TRAPPC9: variants seen among roughly 807,000 people sequenced by gnomAD.
TRAPPC9 encodes the protein IKK2 binding protein.
TRAPPC9 carries 83 observed loss-of-function variants against 124.0 expected under a neutral mutation model. The observed-to-expected ratio is 0.67, with a 90% CI of 0.56 to 0.80. The LOEUF (loss-of-function observed/expected upper bound fraction) is 0.80, where lower values mean the gene tolerates loss of function less well. Among genes scored for constraint, TRAPPC9 ranks in the 30% least tolerant of loss-of-function variants. The probability of loss-of-function intolerance (pLI) is 0.00; values close to 1 mark genes in which losing one functional copy is unlikely to be tolerated. For missense variants in TRAPPC9, 1,302 were observed against 1,508.3 expected (o/e 0.86, Z 2.27); for synonymous variants, 638 against 617.5 (o/e 1.03, Z -0.49).
chr8:140,306,152 G>C (rs1324076469), intron 10 of TRAPPC9, among the ~76,000 whole-genome samples: 2 of 152,054 alleles, frequency 1.3e-5, no homozygotes, highest in Non-Finnish European at 2.9e-5. Flanking sequence ...GCATATCTTG[G>C]GGGAAAAAAG....
intron 21 of TRAPPC9, among the ~76,000 whole-genome samples, chr8:139,855,041 T>C (rs1827716190): frequency 6.6e-6 from 1 of 152,326 alleles, no homozygotes; most frequent in South Asian, 2.1e-4. Flanking sequence ...GATGCGTCAA[T>C]GATTAAACCA....
chr8:140,020,373 C>A (rs1040252053), intron 18 of TRAPPC9, among the ~76,000 whole-genome samples: 4 of 152,160 alleles, frequency 2.6e-5, no homozygotes, highest in Non-Finnish European at 4.4e-5. Context: ...TAAATAACAA[C>A]TAGGCACTTT....
At chr8:140,005,627 C>T (rs1003258720) in intron 18 of TRAPPC9, among the ~76,000 whole-genome samples, 18 of 151,824 alleles carry the variant, frequency 1.2e-4, no homozygotes, top group Admixed American at 9.8e-4. Context: ...AGTGAGGAAA[C>T]GTGGGTTTTG....
chr8:139,901,275 A>G (rs1427941323), intron 20 of TRAPPC9, among the ~76,000 whole-genome samples: 1 of 152,236 alleles, frequency 6.6e-6, no homozygotes, highest in African/African-American at 2.4e-5. Context: ...GGCTCAGCTT[A>G]GCCCCACTTC....
intron 17 of TRAPPC9, among the ~76,000 whole-genome samples, chr8:140,132,255 T>C (rs943245305): frequency 6.6e-6 from 1 of 152,180 alleles, no homozygotes; most frequent in East Asian, 1.9e-4. Context: ...AACAACGTGC[T>C]CCTTGGACTT....
intron 17 of TRAPPC9, among the ~76,000 whole-genome samples, chr8:140,177,250 C>T (rs2062090274): frequency 6.6e-6 from 1 of 152,146 alleles, no homozygotes; most frequent in Non-Finnish European, 1.5e-5. Context: ...ATGTTTTCTT[C>T]TAGAAACTTT....
intron 16 of TRAPPC9, among the ~76,000 whole-genome samples, chr8:140,246,729 TCG>T (rs59457142): frequency 0.062 from 9,489 of 152,198 alleles, 522 homozygotes; most frequent in African/African-American, 0.15. Context: ...ACACTTGTAA[TCG>T]CCCAGCACTT....
intron 17 of TRAPPC9, among the ~76,000 whole-genome samples, chr8:140,133,025 T>C (rs2061234178): frequency 6.6e-6 from 1 of 151,986 alleles, no homozygotes; most frequent in Non-Finnish European, 1.5e-5. Flanking sequence ...TCTCAAAAAA[T>C]ATAAGAGGAA....
chr8:140,005,449 C>T (rs915244205), intron 18 of TRAPPC9, among the ~76,000 whole-genome samples: 1 of 152,186 alleles, frequency 6.6e-6, no homozygotes, highest in Non-Finnish European at 1.5e-5. Context: ...CCTGCACTCA[C>T]AAAGGCACTG....
chr8:139,742,280 C>T lies in TRAPPC9; in HGVS notation c.3056-10078G>A, dbSNP rs139737425. Reference sequence around the variant, plus strand: ...ATCTACCCCCAACCGGCCATGCTGCCGGCGCTCACTGCTCCCTGTGCAGAC... The same window carrying T: ...ATCTACCCCCAACCGGCCATGCTGCTGGCGCTCACTGCTCCCTGTGCAGAC... On this transcript the variant is annotated intron_variant, in intron 21 of 22. Transcript: ENST00000438773. The surrounding 1 kb of genome is among the most constrained non-coding windows in gnomAD (Gnocchi z 4.7). Among the ~76,000 whole-genome samples the T allele has an allele frequency of 0.017, 2,655 of 152,302 alleles. 48 individuals carry two copies. The highest frequency in any genetic ancestry group is 0.022 in the Non-Finnish European group (1,478 of 68,018).
rs1245672756 is a variant in TRAPPC9, at chr8:140,223,078, G to A, written c.2432-1495C>T. Among the ~76,000 whole-genome samples the A allele has an allele frequency of 4.6e-5, 7 of 152,062 alleles. No individual in the cohort carries two copies. The South Asian group carries it at 6.2e-4, about 14-fold the overall frequency. On this transcript the variant is annotated intron_variant, in intron 16 of 22. Transcript: ENST00000438773. ...GTGCAGGTTTATTCCATAGGTAAAC[G>A]TGTGCCATGGTGGTTTGCTGCACCT...
intron 9 of TRAPPC9, among the ~76,000 whole-genome samples, chr8:140,324,569 G>A (rs1027416456): frequency 4.6e-5 from 7 of 152,102 alleles, no homozygotes; most frequent in Admixed American, 1.3e-4. Flanking sequence ...CCAGAAGTTC[G>A]AGACCAGCCT....
At chr8:140,316,866 G>A (rs1433681464) in intron 9 of TRAPPC9, among the ~76,000 whole-genome samples, 2 of 152,108 alleles carry the variant, frequency 1.3e-5, no homozygotes, top group African/African-American at 2.4e-5. Context: ...TTTCTTTGAT[G>A]GGAGACTTCT....
At chr8:140,412,277 G>C (rs1164844148) in intron 5 of TRAPPC9, among the ~76,000 whole-genome samples, 1 of 152,134 alleles carries the variant, frequency 6.6e-6, no homozygotes, top group Non-Finnish European at 1.5e-5. Context: ...AACACAAAGT[G>C]AGAACATTCC....
intron 17 of TRAPPC9, among the ~76,000 whole-genome samples, chr8:140,076,703 C>T (rs765894458): frequency 1.3e-4 from 20 of 152,154 alleles, no homozygotes; most frequent in Admixed American, 7.9e-4. Flanking sequence ...GCCTTGGCAT[C>T]GGCGCCTACT....
chr8:140,045,335 CCCAAGTCCGG>C (rs1841516811), intron 17 of TRAPPC9, among the ~76,000 whole-genome samples: 1 of 152,142 alleles, frequency 6.6e-6, no homozygotes. Context: ...GTTTAACAAA[CCCAAGTCCGG>C]CCAGGTGCGG....
intron 4 of TRAPPC9, among the ~76,000 whole-genome samples, chr8:140,427,379 T>TCTCACA (rs144500944): frequency 1.3e-5 from 2 of 148,454 alleles, no homozygotes; most frequent in African/African-American, 4.9e-5. Context: ...TATCTCTCTC[T>TCTCACA]CACACACACA....
chr8:139,995,917 C>T (rs1837935957), intron 18 of TRAPPC9, among the ~76,000 whole-genome samples: 2 of 143,188 alleles, frequency 1.4e-5, no homozygotes, highest in South Asian at 2.2e-4. Flanking sequence ...CAAACAAGAT[C>T]CCAATGCCTC....
intron 9 of TRAPPC9, among the ~76,000 whole-genome samples, chr8:140,355,638 A>C (rs1421436392): frequency 6.6e-6 from 1 of 152,234 alleles, no homozygotes; most frequent in Admixed American, 6.5e-5. Context: ...AGATCACAGC[A>C]CTGGGGGGGA....
Sources: allele counts gnomAD v4.1 joint callset (sites outside exome capture counted in the v4.1 genomes callset), GRCh38; gene constraint gnomAD v4.1.1; non-coding constraint Gnocchi (gnomAD v3.1); transcripts MANE v1.5; gene names NCBI Gene and HGNC (gene_info 2026-07-23, HGNC 2026-07-21).